ARID5B: variants seen among roughly 807,000 people sequenced by gnomAD.
ARID5B encodes AT-rich interaction domain 5B.
ARID5B carries 13 observed loss-of-function variants against 97.2 expected under a neutral mutation model. The ratio of observed to expected loss-of-function variants is 0.13; its 90% CI spans 0.09 to 0.21. The LOEUF is 0.21. ARID5B is among the 10% of genes least tolerant of loss of function. ARID5B has a pLI of 1.00. For missense variants in ARID5B, 1,210 were observed against 1,465.3 expected (o/e 0.83, Z 2.84); for synonymous variants, 556 against 570.3 (o/e 0.97, Z 0.36).
At chr10:62,081,647 C>T (rs909069832) in intron 8 of ARID5B, among the ~76,000 whole-genome samples, 3 of 151,956 alleles carry the variant, frequency 2.0e-5, no homozygotes, top group Non-Finnish European at 4.4e-5. Flanking sequence ...GAGGCAAGGC[C>T]CTGGAGGATT....
intron 2 of ARID5B, among the ~76,000 whole-genome samples, chr10:61,908,887 C>G (rs1843751405): frequency 6.6e-6 from 1 of 151,142 alleles, no homozygotes; most frequent in South Asian, 2.1e-4. Context: ...AGACAGTGAT[C>G]ACAGAAAAGG....
At chr10:62,063,912 A>G (rs544519432) in intron 7 of ARID5B, among the ~76,000 whole-genome samples, 8 of 152,188 alleles carry the variant, frequency 5.3e-5, no homozygotes, top group African/African-American at 1.2e-4. Context: ...GTGGTTTGCT[A>G]AAGTGATTTC....
At chr10:61,922,190 C>T (rs1447583528) in intron 2 of ARID5B, among the ~76,000 whole-genome samples, 4 of 152,132 alleles carry the variant, frequency 2.6e-5, no homozygotes, top group Admixed American at 6.6e-5. Flanking sequence ...TTGATCATTG[C>T]ATTTGGAGAG....
At chr10:62,053,763 CTG>C (rs1341433354) in intron 5 of ARID5B, among the ~76,000 whole-genome samples, 1 of 152,180 alleles carries the variant, frequency 6.6e-6, no homozygotes, top group Non-Finnish European at 1.5e-5. Flanking sequence ...AAAAAGGAAA[CTG>C]TGGTGGGAAG....
chr10:62,039,792 A>C (rs1839611585), intron 4 of ARID5B, among the ~76,000 whole-genome samples: 1 of 152,236 alleles, frequency 6.6e-6, no homozygotes, highest in African/African-American at 2.4e-5. Flanking sequence ...GCTTATTGGA[A>C]TGCCAGTCTT....
At chr10:61,986,817 A>ACGGGG (rs957643156) in intron 3 of ARID5B, among the ~76,000 whole-genome samples, 6 of 152,140 alleles carry the variant, frequency 3.9e-5, no homozygotes, top group Admixed American at 1.3e-4. Flanking sequence ...ACAAGTACCT[A>ACGGGG]CGGGGCGTTC....
intron 3 of ARID5B, among the ~76,000 whole-genome samples, chr10:61,961,817 G>A (rs1017567159): frequency 6.6e-6 from 1 of 151,878 alleles, no homozygotes. Context: ...GTGCAATCTC[G>A]GCTCACTGCA....
chr10:61,913,541 C>A (rs1382940517), intron 2 of ARID5B, among the ~76,000 whole-genome samples: 1 of 152,170 alleles, frequency 6.6e-6, no homozygotes, highest in African/African-American at 2.4e-5. Flanking sequence ...TCAGGCACCA[C>A]AGTCTGGTCG....
At chr10:61,988,704 C>T (rs953836814) in intron 3 of ARID5B, among the ~76,000 whole-genome samples, 1 of 152,076 alleles carries the variant, frequency 6.6e-6, no homozygotes, top group Non-Finnish European at 1.5e-5. Flanking sequence ...TTCCCAAGTG[C>T]CTCTTCGGAC....
intron 3 of ARID5B, among the ~76,000 whole-genome samples, chr10:61,987,488 T>A (rs962135160): frequency 6.6e-6 from 1 of 152,158 alleles, no homozygotes; most frequent in African/African-American, 2.4e-5. Context: ...TCTTAGAAAT[T>A]AAGCTGATAT....
chr10:62,064,100 T>G (rs1564640903), intron 7 of ARID5B, among the ~76,000 whole-genome samples: 1 of 152,234 alleles, frequency 6.6e-6, no homozygotes, highest in Non-Finnish European at 1.5e-5. Context: ...GCCATTGTTC[T>G]TCATCTGGAA....
intron 4 of ARID5B, among the ~76,000 whole-genome samples, chr10:62,038,843 C>A (rs1281755379): frequency 9.2e-5 from 14 of 152,174 alleles, no homozygotes; most frequent in Non-Finnish European, 2.1e-4. Flanking sequence ...CACGAGAGGG[C>A]AATGGAGCGT....
intron 4 of ARID5B, among the ~76,000 whole-genome samples, chr10:62,011,108 C>T (rs968805053): frequency 3.9e-5 from 6 of 152,158 alleles, no homozygotes; most frequent in African/African-American, 1.4e-4. Flanking sequence ...ACAGTTGAGG[C>T]CTTCTCTTGG....
intron 4 of ARID5B, among the ~76,000 whole-genome samples, chr10:62,035,280 A>G (rs1839547629): frequency 1.3e-5 from 2 of 152,180 alleles, no homozygotes; most frequent in Non-Finnish European, 2.9e-5. Flanking sequence ...ACCAGACTCT[A>G]CTAAGTAGTA....
intron 4 of ARID5B, among the ~76,000 whole-genome samples, chr10:62,014,323 G>A (rs1839256256): frequency 6.6e-6 from 1 of 152,198 alleles, no homozygotes; most frequent in South Asian, 2.1e-4. Context: ...GAGAATGGAA[G>A]TTGACAAAGT....
At chr10:61,973,784 A>C (rs1589241470) in intron 3 of ARID5B, among the ~76,000 whole-genome samples, 1 of 152,134 alleles carries the variant, frequency 6.6e-6, no homozygotes, top group African/African-American at 2.4e-5. Flanking sequence ...AGTTTATTTT[A>C]TTTCTTTTCT....
intron 7 of ARID5B, among the ~76,000 whole-genome samples, chr10:62,067,437 A>G (rs1248735125): frequency 6.6e-6 from 1 of 152,226 alleles, no homozygotes; most frequent in African/African-American, 2.4e-5. Context: ...TTATGCTTTG[A>G]GAGTAAAACC....
intron 4 of ARID5B, among the ~76,000 whole-genome samples, chr10:62,009,249 C>G (rs1327160818): frequency 1.3e-5 from 2 of 152,174 alleles, no homozygotes; most frequent in African/African-American, 4.8e-5. Context: ...GCTGTTTTGG[C>G]TCTCCAGGTG....
At chr10:61,964,763 T>C (rs1282222996) in intron 3 of ARID5B, among the ~76,000 whole-genome samples, 1 of 152,184 alleles carries the variant, frequency 6.6e-6, no homozygotes, top group Non-Finnish European at 1.5e-5. Context: ...AGGGGTTAAG[T>C]AGAGAATGAA....
Sources: allele counts gnomAD v4.1 joint callset (sites outside exome capture counted in the v4.1 genomes callset), GRCh38; gene constraint gnomAD v4.1.1; transcripts MANE v1.5; gene names NCBI Gene and HGNC (gene_info 2026-07-23, HGNC 2026-07-21).